SMAP2: variants seen among roughly 807,000 people sequenced by gnomAD.
SMAP2 encodes stromal membrane-associated protein 2.
SMAP2 carries 25 observed loss-of-function variants against 56.4 expected under a neutral mutation model. The ratio of observed to expected loss-of-function variants is 0.44; its 90% CI spans 0.32 to 0.62. The LOEUF (loss-of-function observed/expected upper bound fraction) is 0.62. Ranked by LOEUF, SMAP2 falls within the 20% of genes least tolerant of loss-of-function variation. SMAP2 has a pLI of 0.04. For synonymous variants in SMAP2, 157 were observed against 181.7 expected, an observed-to-expected ratio of 0.86 and a Z score of 1.09; for missense variants, 388 against 545.6, an observed-to-expected ratio of 0.71 and a Z score of 2.88.
chr1:40,351,562 T>C (rs1644408896), intron 1 of SMAP2, among the ~76,000 whole-genome samples: 1 of 152,208 alleles, frequency 6.6e-6, no homozygotes. Flanking sequence ...TGGAGTGCGA[T>C]GGCACGATCT....
intron 1 of SMAP2, chr1:40,396,757 T>C: frequency 1.3e-6 from 1 of 746,760 alleles, no homozygotes. Flanking sequence ...CTCTCTTTTG[T>C]GTGGATGAAA....
At chr1:40,356,620 C>A (rs1255126254) in intron 1 of SMAP2, among the ~76,000 whole-genome samples, 2 of 152,048 alleles carry the variant, frequency 1.3e-5, no homozygotes, top group African/African-American at 4.8e-5. Context: ...CTGTGTCAAC[C>A]AGGATGGTTT....
At chr1:40,379,851 G>A (rs945981720) in intron 1 of SMAP2, among the ~76,000 whole-genome samples, 1 of 152,042 alleles carries the variant, frequency 6.6e-6, no homozygotes, top group Non-Finnish European at 1.5e-5. Context: ...CTCTTTGAAG[G>A]CATCTTAGAA....
At chr1:40,414,961 C>G (rs911894685) in intron 6 of SMAP2, among the ~76,000 whole-genome samples, 24 of 152,266 alleles carry the variant, frequency 1.6e-4, no homozygotes, top group Middle Eastern at 3.4e-3. Flanking sequence ...GAAAATGAAC[C>G]CTCCTCCATA....
chr1:40,383,249 G>C (rs990843861), intron 1 of SMAP2, among the ~76,000 whole-genome samples: 1 of 152,226 alleles, frequency 6.6e-6, no homozygotes, highest in Non-Finnish European at 1.5e-5. Flanking sequence ...CGGAAGCATG[G>C]AAAGAGGAGC....
intron 1 of SMAP2, chr1:40,403,588 C>A (rs1489670306): frequency 6.5e-6 from 6 of 919,116 alleles, no homozygotes; most frequent in Non-Finnish European, 1.3e-6. Context: ...TTAACTGGCC[C>A]TTATCAGGAA....
intron 2 of SMAP2, 92 bp downstream of exon 2, chr1:40,406,961 GA>G: frequency 3.6e-6 from 5 of 1,401,304 alleles, no homozygotes; most frequent in Non-Finnish European, 4.8e-6. Flanking sequence ...CAAAGGTGAA[GA>G]TAAAGGAAAA....
intron 1 of SMAP2, among the ~76,000 whole-genome samples, chr1:40,376,542 A>G (rs1211062165): frequency 6.6e-6 from 1 of 152,188 alleles, no homozygotes; most frequent in Admixed American, 6.5e-5. Flanking sequence ...TGAATTACCT[A>G]TCCCATTCCA....
Position 40,374,020 on chromosome 1 carries a change from C to A in SMAP2, c.-101C>A. On this transcript the variant is annotated 5_prime_UTR_variant, in exon 1 of 10. Transcript: ENST00000372718. The surrounding 1 kb of genome is among the most constrained non-coding windows in gnomAD (Gnocchi z 5.9). ...GAGGGCTCTCCCCGCTCAGGAGGTG[C>A]CCCTGGGCGGGGGACCGGGAGTCCT... 1 of 872,772 alleles carries A rather than the reference C, an allele frequency of 1.1e-6. No individual in the cohort carries two copies. The highest frequency in any genetic ancestry group is 1.8e-6 in the Non-Finnish European group (1 of 542,656). 54.1% of individuals were successfully genotyped at this position (872,772 alleles called of 1,614,324 possible). A position where few individuals can be genotyped will look rare whatever the true frequency, so the allele number is the denominator to read the frequency against.
At chr1:40,415,404 G>A (rs1487027477) in intron 7 of SMAP2, 23 bp downstream of exon 7, 2 of 1,439,662 alleles carry the variant, frequency 1.4e-6, no homozygotes, top group African/African-American at 1.4e-5. Context: ...GGCTCCTCAG[G>A]ATTAAAGAAC....
rs539455637 is a variant in SMAP2 at position 40,381,199 on chromosome 1, A to G, written c.103+6976A>G. On this transcript the variant is annotated intron_variant, in intron 1 of 9. Transcript: ENST00000372718. ...TCCCCCACTACATATAGTCATTCAG[A>G]AAATGTTTCTTAAGCACTTACTACC... 5.3e-5 allele frequency among the ~76,000 whole-genome samples: 8 copies of G among 152,340 alleles called. No individual in the cohort carries two copies. In the South Asian group the frequency reaches 8.3e-4, roughly 16 times the overall value.
intron 8 of SMAP2, 81 bp downstream of exon 8, chr1:40,416,422 G>A (rs1214023890): frequency 2.7e-6 from 4 of 1,494,400 alleles, no homozygotes; most frequent in Non-Finnish European, 3.6e-6. Flanking sequence ...TGTGACAGAG[G>A]ACAGTTGCTT....
At chr1:40,348,951 G>A (rs1454842703) in intron 1 of SMAP2, among the ~76,000 whole-genome samples, 3 of 151,990 alleles carry the variant, frequency 2.0e-5, no homozygotes, top group Non-Finnish European at 4.4e-5. Flanking sequence ...TGTATTTTTA[G>A]TAGAGGCAGG....
At chr1:40,415,558 C>CT (rs1186924157) in intron 7 of SMAP2, among the ~76,000 whole-genome samples, 177 bp downstream of exon 7, 2 of 152,092 alleles carry the variant, frequency 1.3e-5, no homozygotes, top group African/African-American at 4.8e-5. Flanking sequence ...CTGTTCATGC[C>CT]TTTTTTTCTC....
At chr1:40,357,155 A>C (rs1569819542) in intron 1 of SMAP2, among the ~76,000 whole-genome samples, 1 of 151,970 alleles carries the variant, frequency 6.6e-6, no homozygotes, top group South Asian at 2.1e-4. Flanking sequence ...TGGATTGTTG[A>C]GTATTTCCAA....
At chr1:40,389,148 C>T (rs1349117794) in intron 1 of SMAP2, among the ~76,000 whole-genome samples, 8 of 152,188 alleles carry the variant, frequency 5.3e-5, no homozygotes, top group Non-Finnish European at 1.2e-4. Flanking sequence ...CCACCAATTC[C>T]GGACACAACA....
chr1:40,399,310 A>ATTTTTTTTTTTTTTTTTTTTTTTTTTTT, intron 1 of SMAP2, among the ~76,000 whole-genome samples: 1 of 91,956 alleles, frequency 1.1e-5, no homozygotes, highest in Non-Finnish European at 2.0e-5. Context: ...ACGTGTGGCT[A>ATTTTTTTTTTTTTTTTTTTTTTTTTTTT]TTTTTTTTTT....
chr1:40,399,320 T>TA (rs1553120177), intron 1 of SMAP2, among the ~76,000 whole-genome samples: 10 of 141,550 alleles, frequency 7.1e-5, no homozygotes, highest in African/African-American at 2.1e-4. Context: ...ATTTTTTTTT[T>TA]TTTTTTTTTT....
chr1:40,390,457 T>C (rs976935851), intron 1 of SMAP2, among the ~76,000 whole-genome samples: 1 of 152,298 alleles, frequency 6.6e-6, no homozygotes. Flanking sequence ...AGACATGAGC[T>C]TCCCTGGAAA....
Sources: gnomAD v4.1 joint callset for allele counts (sites outside exome capture counted in the v4.1 genomes callset) on GRCh38, gnomAD v4.1.1 for gene constraint, Gnocchi (gnomAD v3.1) non-coding constraint, MANE v1.5 for transcripts, NCBI Gene and HGNC (gene_info 2026-07-23, HGNC 2026-07-21) for gene names.